Variants in LBH observed in about 807,000 individuals in gnomAD.
LBH encodes LBH regulator of Wnt signaling pathway, also known as protein LBH.
LBH carries 7 observed loss-of-function variants against 12.5 expected under a neutral mutation model. The ratio of observed to expected loss-of-function variants is 0.56; its 90% CI spans 0.32 to 1.05. The LOEUF (loss-of-function observed/expected upper bound fraction) is 1.05, where lower values mean the gene tolerates loss of function less well. Ranked by LOEUF, LBH falls within the 50% of genes least tolerant of loss-of-function variation. The pLI is 0.04. For missense variants in LBH, 119 were observed against 138.9 expected, an observed-to-expected ratio of 0.86 and a Z score of 0.72; for synonymous variants, 51 against 50.1, an observed-to-expected ratio of 1.02 and a Z score of -0.08.
intron 2 of LBH, among the ~76,000 whole-genome samples, chr2:30,252,163 G>C (rs1226930246): frequency 1.3e-5 from 2 of 152,120 alleles, no homozygotes; most frequent in African/African-American, 4.8e-5. Context: ...TTGAATCATG[G>C]GGGCGGTTAC....
At chr2:30,252,718 T>C (rs1678006087) in intron 2 of LBH, among the ~76,000 whole-genome samples, 1 of 152,068 alleles carries the variant, frequency 6.6e-6, no homozygotes, top group Non-Finnish European at 1.5e-5. Flanking sequence ...GATTTCTTCA[T>C]AGTAGCATGA....
chr2:30,243,200 C>T (rs11676884), intron 2 of LBH, among the ~76,000 whole-genome samples: 73,768 of 152,038 alleles, frequency 0.49, 18,519 homozygotes, highest in Admixed American at 0.6. Context: ...TGATGATGTT[C>T]AAGCAACATT....
intron 2 of LBH, among the ~76,000 whole-genome samples, chr2:30,246,948 A>G (rs1323441972): frequency 6.6e-6 from 1 of 151,146 alleles, no homozygotes; most frequent in African/African-American, 2.4e-5. Flanking sequence ...CAGCCTCCCC[A>G]AGTCCCTATG....
intron 2 of LBH, among the ~76,000 whole-genome samples, chr2:30,246,327 C>A (rs964109811): frequency 2.0e-5 from 3 of 152,182 alleles, no homozygotes; most frequent in African/African-American, 7.2e-5. Flanking sequence ...CGGTCCCTTT[C>A]ACACTCTTAA....
At chr2:30,235,622 G>A (rs1216650100) in intron 2 of LBH, among the ~76,000 whole-genome samples, 5 of 151,900 alleles carry the variant, frequency 3.3e-5, no homozygotes, top group African/African-American at 1.2e-4. Context: ...GCTTGGTTCC[G>A]CTAGGGTCTA....
At chr2:30,255,179 T>C (rs1572384742) in intron 2 of LBH, among the ~76,000 whole-genome samples, 2 of 152,194 alleles carry the variant, frequency 1.3e-5, no homozygotes, top group Non-Finnish European at 2.9e-5. Context: ...TCCATCGGGG[T>C]CCCTCTCACC....
chr2:30,247,580 G>C (rs1199049951), intron 2 of LBH, among the ~76,000 whole-genome samples: 1 of 152,014 alleles, frequency 6.6e-6, no homozygotes, highest in African/African-American at 2.4e-5. Context: ...TTTCAAGTAA[G>C]AATGGTGCTC....
At chr2:30,235,911 T>C (rs776762029) in intron 2 of LBH, among the ~76,000 whole-genome samples, 10 of 152,050 alleles carry the variant, frequency 6.6e-5, no homozygotes, top group Admixed American at 2.0e-4. Context: ...GGGGGAACTC[T>C]CTTTGCTACG....
At chr2:30,237,451 C>T (rs759329482) in intron 2 of LBH, among the ~76,000 whole-genome samples, 5 of 144,012 alleles carry the variant, frequency 3.5e-5, no homozygotes, top group Non-Finnish European at 7.5e-5. Flanking sequence ...GATACGGGTC[C>T]TGTTTTACCT....
At chr2:30,253,327 C>T (rs1480659790) in intron 2 of LBH, among the ~76,000 whole-genome samples, 1 of 152,182 alleles carries the variant, frequency 6.6e-6, no homozygotes, top group Non-Finnish European at 1.5e-5. Flanking sequence ...GGCTTTCTGT[C>T]TGTCTGTAAG....
chr2:30,240,287 G>A (rs1472401946), intron 2 of LBH, among the ~76,000 whole-genome samples: 7 of 152,118 alleles, frequency 4.6e-5, no homozygotes, highest in South Asian at 2.1e-4. Context: ...AAGTAGGCCC[G>A]GTCTCCCACG....
chr2:30,248,228 T>C (rs775928183), intron 2 of LBH, among the ~76,000 whole-genome samples: 1 of 152,230 alleles, frequency 6.6e-6, no homozygotes, highest in Admixed American at 6.5e-5. Context: ...TGGGAGCTAC[T>C]ATCAAGGAAG....
At chr2:30,248,126 G>A (rs2103560869) in intron 2 of LBH, among the ~76,000 whole-genome samples, 1 of 152,234 alleles carries the variant, frequency 6.6e-6, no homozygotes, top group Non-Finnish European at 1.5e-5. Flanking sequence ...TTCATTGAAA[G>A]GCATATACCT....
rs1386277447 is a variant in LBH at position 30,259,650 on chromosome 2, T to C, written c.*2029T>C. The stretch of plus-strand genomic sequence containing the variant: ...TCTACTTTGTGTATGTGTCTGTTTA[T>C]GGGGGTGGTTTATTATTTTTGCTGG... On this transcript the variant is annotated 3_prime_UTR_variant, in exon 3 of 3. Coordinates refer to ENST00000395323, the MANE Select transcript of LBH (RefSeq NM_030915.4). The C allele has an allele frequency of 6.6e-6, 1 of 152,528 alleles. No individual in the cohort carries two copies. Among genetic ancestry groups the C allele is most frequent in the East Asian group, 1.9e-4 (1 of 5,196 alleles). 9.4% of individuals were successfully genotyped at this position (152,528 alleles called of 1,614,324 possible).
In LBH at chr2:30,231,876, A is replaced by G. The variant is rs1048478092; in HGVS notation, c.26+112A>G. On this transcript the variant is annotated intron_variant, in intron 1 of 2. Coordinates refer to ENST00000395323, the MANE Select transcript of LBH (RefSeq NM_030915.4). ...AGGGCAGCCGGCGGCGCGGGCGCTC[A>G]GCGCTAACCCGCCGCCCGAGCCCGT... 2.5e-5 allele frequency: 20 copies of G among 801,272 alleles called. No individual in the cohort carries two copies. In the African/African-American group the frequency reaches 3.9e-4, roughly 16 times the overall value. The allele number at this position is 801,272 out of a possible 1,614,324, so 49.6% of individuals were successfully genotyped here. A position where few individuals can be genotyped will look rare whatever the true frequency, so the allele number is the denominator to read the frequency against.
chr2:30,250,756 C>A (rs902756503), intron 2 of LBH, among the ~76,000 whole-genome samples: 4 of 151,860 alleles, frequency 2.6e-5, no homozygotes, highest in Admixed American at 6.6e-5. Flanking sequence ...AAGCAAGAAG[C>A]CTGCTGAGGA....
At position 30,237,606 on chromosome 2, in the gene LBH, T is replaced by C. The variant is rs562781981; in HGVS notation, c.129+3099T>C. Among the ~76,000 whole-genome samples the C allele has an allele frequency of 2.1e-4, 32 of 152,298 alleles. No homozygotes were observed. In the Middle Eastern group the frequency reaches 0.02, roughly 97 times the overall value. ...CCTGATTCTAAAGCTGGTCACCTTC[T>C]CTTCTGCCTTAGCTTCTGGAAAGGG... On this transcript the variant is annotated intron_variant, in intron 2 of 2. Transcript: ENST00000395323.
At chr2:30,240,478 C>T (rs1482796088) in intron 2 of LBH, among the ~76,000 whole-genome samples, 1 of 152,196 alleles carries the variant, frequency 6.6e-6, no homozygotes, top group East Asian at 1.9e-4. Context: ...AGGGCGTAGA[C>T]TTGCTGGGGG....
At chr2:30,244,471 T>C (rs1435106780) in intron 2 of LBH, among the ~76,000 whole-genome samples, 1 of 152,190 alleles carries the variant, frequency 6.6e-6, no homozygotes, top group Admixed American at 6.5e-5. Context: ...TTAAGCCTTC[T>C]TCTCTTGCTT....
Sources: gnomAD v4.1 joint callset for allele counts (sites outside exome capture counted in the v4.1 genomes callset) on GRCh38, gnomAD v4.1.1 for gene constraint, MANE v1.5 for transcripts, NCBI Gene and HGNC (gene_info 2026-07-23, HGNC 2026-07-21) for gene names.